SIDT1: variants seen among roughly 807,000 people sequenced by gnomAD.
The protein encoded by SIDT1 is SID1 transmembrane family member 1.
Under a neutral mutation model 107.5 loss-of-function variants are expected in SIDT1, and 101 were observed. That is an observed-to-expected ratio of 0.94 (90% CI 0.80 to 1.11). The LOEUF (loss-of-function observed/expected upper bound fraction) is 1.11. Ranked by LOEUF, SIDT1 falls within the 50% of genes least tolerant of loss-of-function variation. The probability of loss-of-function intolerance (pLI) is 0.00; values close to 1 mark genes in which losing one functional copy is unlikely to be tolerated. For synonymous variants in SIDT1, 395 were observed against 398.2 expected (o/e 0.99, Z 0.10); for missense variants, 1,076 against 1,058.2 (o/e 1.02, Z -0.23).
chr3:113,543,143 T>G (rs1939137043), intron 1 of SIDT1, among the ~76,000 whole-genome samples: 1 of 151,880 alleles, frequency 6.6e-6, no homozygotes, highest in Admixed American at 6.6e-5. Flanking sequence ...GTTTCACCAT[T>G]TTGGCCAGGT....
chr3:113,599,945 AT>A (rs1944841376), intron 10 of SIDT1, among the ~76,000 whole-genome samples: 1 of 152,252 alleles, frequency 6.6e-6, no homozygotes, highest in African/African-American at 2.4e-5. Flanking sequence ...TTGCTTAGCT[AT>A]AGCAATCATT....
downstream of SIDT1, among the ~76,000 whole-genome samples, chr3:113,632,255 CCT>C (rs1319517526): frequency 1.3e-5 from 2 of 152,018 alleles, no homozygotes; most frequent in African/African-American, 4.8e-5. Context: ...CTCTTGAGCC[CCT>C]GTTTTATATT....
chr3:113,595,846 G>C (rs1944508540), intron 10 of SIDT1, among the ~76,000 whole-genome samples: 1 of 152,168 alleles, frequency 6.6e-6, no homozygotes, highest in African/African-American at 2.4e-5. Context: ...TCAAGACCTA[G>C]ATGCTTAAAC....
chr3:113,630,441 G>C (rs1449187814), downstream of SIDT1, among the ~76,000 whole-genome samples: 1 of 152,128 alleles, frequency 6.6e-6, no homozygotes, highest in African/African-American at 2.4e-5. Context: ...ATGACTGAAG[G>C]AGGTCACCGA....
the SIDT1 span, among the ~76,000 whole-genome samples, chr3:113,634,598 C>G: frequency 6.6e-6 from 1 of 152,070 alleles, no homozygotes; most frequent in Non-Finnish European, 1.5e-5. Context: ...TAGTTCAAGC[C>G]CAGCTTGGCC....
chr3:113,624,615 C>A (rs1005872987), intron 23 of SIDT1, among the ~76,000 whole-genome samples: 1 of 152,118 alleles, frequency 6.6e-6, no homozygotes, highest in African/African-American at 2.4e-5. Context: ...AATTTACCAT[C>A]GTTACCATTT....
At chr3:113,599,165 A>G (rs1944780103) in intron 10 of SIDT1, among the ~76,000 whole-genome samples, 1 of 152,210 alleles carries the variant, frequency 6.6e-6, no homozygotes, top group Admixed American at 6.5e-5. Flanking sequence ...GGGAGCTTGA[A>G]AAGAGAAAAA....
chr3:113,542,338 T>C (rs1320010036), intron 1 of SIDT1, among the ~76,000 whole-genome samples: 1 of 152,212 alleles, frequency 6.6e-6, no homozygotes, highest in Non-Finnish European at 1.5e-5. Context: ...TTCCAATACC[T>C]GATTATCTTA....
chr3:113,594,196 T>C (rs760143902), intron 10 of SIDT1, among the ~76,000 whole-genome samples: 1 of 152,186 alleles, frequency 6.6e-6, no homozygotes, highest in Non-Finnish European at 1.5e-5. Context: ...TTTTTTCTTT[T>C]TAATGTTTGT....
intron 19 of SIDT1, among the ~76,000 whole-genome samples, chr3:113,614,482 T>C (rs977510396): frequency 6.6e-6 from 1 of 152,254 alleles, no homozygotes; most frequent in Non-Finnish European, 1.5e-5. Flanking sequence ...TATTTCGTCG[T>C]TGACAATGAT....
Position 113,611,115 on chromosome 3 carries a change from G to A in SIDT1, c.1828G>A (p.Val610Met), listed in dbSNP as rs1441228436. 2.5e-6 allele frequency: 4 copies of A among 1,613,904 alleles called. No homozygotes were observed. Among genetic ancestry groups the A allele is most frequent in the Admixed American group, 1.7e-5 (1 of 59,972 alleles). ...CTACTCTGCCTATGCCTCCTTTGCT[G>A]TGGTCATCATGGTCACCGTCCTTGG... ...SAYSAYASFA[V>M]VIMVTVLGVV... Residue 610 changes from valine to methionine, a missense_variant, in exon 18 of 25, where the codon GTG (valine) becomes ATG (methionine). Coordinates refer to ENST00000264852, the MANE Select transcript of SIDT1 (RefSeq NM_017699.3).
intron 7 of SIDT1, 26 bp downstream of exon 7, chr3:113,583,522 C>T (rs1405764072): frequency 4.0e-6 from 6 of 1,514,976 alleles, no homozygotes; most frequent in Admixed American, 1.7e-5. Context: ...GAACACTTGG[C>T]TGCTTAGCAA....
intron 1 of SIDT1, among the ~76,000 whole-genome samples, chr3:113,539,489 G>A (rs977635608): frequency 6.6e-5 from 10 of 150,608 alleles, no homozygotes; most frequent in Admixed American, 3.3e-4. Flanking sequence ...GGAACTAGGG[G>A]TCCTTATTAA....
At chr3:113,609,548 G>T (rs557479764) in intron 17 of SIDT1, among the ~76,000 whole-genome samples, 1 of 152,148 alleles carries the variant, frequency 6.6e-6, no homozygotes, top group East Asian at 1.9e-4. Flanking sequence ...AATTGAAAGC[G>T]GGTAGACATT....
In SIDT1 at chr3:113,601,654, C is replaced by T. The variant is rs375399586; in HGVS notation, c.1112C>T (p.Thr371Ile). The T allele has an allele frequency of 2.5e-6, 4 of 1,610,470 alleles. No homozygotes were observed. The highest frequency in any genetic ancestry group is 3.4e-6 in the Non-Finnish European group (4 of 1,176,858). The stretch of plus-strand genomic sequence containing the variant: ...ACACCCGAAGGGAGCAATTATGGGA[C>T]AATAGGTATGTCCTACCAGGTCTGT... Reference protein sequence around the residue: ...ASTPEGSNYGTIDESSSSPGR... With the variant: ...ASTPEGSNYGIIDESSSSPGR... Residue 371 changes from threonine (T) to isoleucine (I), a missense_variant, in exon 11 of 25, where the codon ACA becomes ATA. Coordinates refer to ENST00000264852, the MANE Select transcript of SIDT1 (RefSeq NM_017699.3).
At chr3:113,535,099 C>A (rs181422444) in intron 1 of SIDT1, among the ~76,000 whole-genome samples, 5 of 152,236 alleles carry the variant, frequency 3.3e-5, no homozygotes, top group Admixed American at 1.3e-4. Flanking sequence ...TAATGAGACC[C>A]TCTCTCTACA....
chr3:113,600,658 G>C (rs1057460907), intron 10 of SIDT1, among the ~76,000 whole-genome samples: 1 of 152,208 alleles, frequency 6.6e-6, no homozygotes, highest in Non-Finnish European at 1.5e-5. Context: ...AAGTCAAAAA[G>C]AGTCAGGCAA....
chr3:113,558,064 G>A (rs917821136), intron 1 of SIDT1, among the ~76,000 whole-genome samples: 10 of 152,094 alleles, frequency 6.6e-5, no homozygotes, highest in Non-Finnish European at 1.3e-4. Flanking sequence ...AGAGAGAGGG[G>A]GATCTGATCT....
chr3:113,592,048 G>A (rs796920569), intron 9 of SIDT1, among the ~76,000 whole-genome samples: 43 of 152,262 alleles, frequency 2.8e-4, no homozygotes, highest in African/African-American at 9.1e-4. Context: ...ACAAAAGTTC[G>A]CATGTAATAT....
Sources: allele counts gnomAD v4.1 joint callset (sites outside exome capture counted in the v4.1 genomes callset), GRCh38; gene constraint gnomAD v4.1.1; transcripts MANE v1.5; gene names NCBI Gene and HGNC (gene_info 2026-07-23, HGNC 2026-07-21).